Variants in ATP11A observed in about 807,000 individuals in gnomAD.
ATP11A encodes phospholipid-transporting ATPase IH.
ATP11A carries 81 observed loss-of-function variants against 154.4 expected under a neutral mutation model. That is an observed-to-expected ratio of 0.52 (90% confidence interval 0.44 to 0.63). The LOEUF is 0.63. Among genes scored for constraint, ATP11A ranks in the 30% least tolerant of loss-of-function variants. ATP11A has a pLI of 0.00. For missense variants in ATP11A, 1,316 were observed against 1,474.3 expected (o/e 0.89, Z 1.76); for synonymous variants, 623 against 585.9 (o/e 1.06, Z -0.91).
intron 1 of ATP11A, among the ~76,000 whole-genome samples, chr13:112,784,899 A>T (rs2077585181): frequency 6.6e-6 from 1 of 152,182 alleles, no homozygotes; most frequent in Non-Finnish European, 1.5e-5. Context: ...TGGCTCTCAC[A>T]GGAGCGCAGA....
intron 27 of ATP11A, among the ~76,000 whole-genome samples, chr13:112,874,536 C>A (rs532313044): frequency 6.6e-6 from 1 of 152,198 alleles, no homozygotes; most frequent in Admixed American, 6.5e-5. Context: ...TCAGCCCCAG[C>A]GCAGCAGCCT....
chr13:112,821,048 G>A (rs1251592574), intron 8 of ATP11A, among the ~76,000 whole-genome samples: 1 of 152,172 alleles, frequency 6.6e-6, no homozygotes, highest in Non-Finnish European at 1.5e-5. Context: ...CCTTGCCTTG[G>A]TTTGCCTACG....
At position 112,879,790 on chromosome 13, in the gene ATP11A, G is replaced by A. The variant is rs1300225432; in HGVS notation, c.*9+1487G>A. 2.0e-5 allele frequency among the ~76,000 whole-genome samples: 3 copies of A among 152,352 alleles called. No homozygotes were observed. The East Asian group carries it at 5.8e-4, about 29-fold the overall frequency. On this transcript the variant is annotated intron_variant, in intron 29 of 29. Coordinates refer to ENST00000375645, the MANE Select transcript of ATP11A (RefSeq NM_015205.3). The stretch of plus-strand genomic sequence containing the variant: ...AAACGTGTCACTAGTCCTCACGTGG[G>A]GCATATGTTACTTCCAGTGGATGGC...
At chr13:112,812,778 G>T (rs550265242) in intron 5 of ATP11A, among the ~76,000 whole-genome samples, 34 of 152,358 alleles carry the variant, frequency 2.2e-4, no homozygotes, top group Admixed American at 5.2e-4. Context: ...CCTTCAGTGA[G>T]TTCAGATGAG....
intron 19 of ATP11A, among the ~76,000 whole-genome samples, 190 bp downstream of exon 19, chr13:112,854,720 T>C (rs2079874050): frequency 6.6e-6 from 1 of 152,220 alleles, no homozygotes; most frequent in Admixed American, 6.5e-5. Context: ...TTTCCAGCAA[T>C]TGTGATGTGT....
At chr13:112,822,200 A>G (rs181822465) in intron 8 of ATP11A, among the ~76,000 whole-genome samples, 21 of 152,374 alleles carry the variant, frequency 1.4e-4, no homozygotes, top group East Asian at 1.3e-3. Context: ...AATGTTATCA[A>G]TAGCAAAATT....
chr13:112,780,089 G>A (rs996132344), intron 1 of ATP11A, among the ~76,000 whole-genome samples: 6 of 151,900 alleles, frequency 3.9e-5, no homozygotes, highest in Middle Eastern at 3.2e-3. Flanking sequence ...ATGAGAAAGT[G>A]TGGAAATAAT....
chr13:112,795,240 A>G (rs1047311164), intron 2 of ATP11A, among the ~76,000 whole-genome samples: 1 of 152,250 alleles, frequency 6.6e-6, no homozygotes, highest in Non-Finnish European at 1.5e-5. Flanking sequence ...GTGAGACTTC[A>G]TCTCAAAATA....
At chr13:112,790,757 C>A (rs2077830475) in intron 2 of ATP11A, among the ~76,000 whole-genome samples, 1 of 152,310 alleles carries the variant, frequency 6.6e-6, no homozygotes, top group South Asian at 2.1e-4. Context: ...GCATGTAGAC[C>A]CCTGTGGTTC....
chr13:112,878,276 C>T lies in ATP11A; in HGVS notation c.3387C>T (p.Ser1129=), dbSNP rs2080789948. 1.9e-6 allele frequency: 3 copies of T among 1,614,206 alleles called. No individual in the cohort carries two copies. Among genetic ancestry groups the T allele is most frequent in the East Asian group, 2.2e-5 (1 of 44,892 alleles). The change falls in exon 29 of 30, where the codon TCC becomes TCT. Residue 1129 remains serine (S), a synonymous_variant. Transcript: ENST00000375645. ...QSTIFMLSQT[S]SSLSF ...CCATCTTTATGCTTTCTCAGACTTC[C>T]AGCAGCCTGAGTTTCTGATGGAACA...
intron 25 of ATP11A, among the ~76,000 whole-genome samples, chr13:112,871,336 C>T (rs951630169): frequency 3.9e-5 from 6 of 152,154 alleles, no homozygotes; most frequent in Admixed American, 2.6e-4. Context: ...AGGAGGTTTG[C>T]GTGTACCCGA....
At chr13:112,835,732 T>C (rs1427401062) in intron 15 of ATP11A, among the ~76,000 whole-genome samples, 2 of 152,236 alleles carry the variant, frequency 1.3e-5, no homozygotes, top group Admixed American at 1.3e-4. Context: ...TTTCTGAGTC[T>C]TCCGGTAACA....
At chr13:112,804,584 G>C (rs1370819033) in intron 2 of ATP11A, among the ~76,000 whole-genome samples, 2 of 148,712 alleles carry the variant, frequency 1.3e-5, no homozygotes, top group Non-Finnish European at 3.0e-5. Context: ...CTTCCATTCA[G>C]CTCGCTGTCA....
intron 12 of ATP11A, 31 bp downstream of exon 12, chr13:112,826,922 T>A (rs35211407): frequency 6.2e-7 from 1 of 1,611,366 alleles, no homozygotes; most frequent in Non-Finnish European, 8.5e-7. Flanking sequence ...CTGCTGTGAT[T>A]TATTAACATC....
At chr13:112,876,079 CTGACGGTGCA>C in intron 28 of ATP11A, 138 bp downstream of exon 28, 1 of 925,918 alleles carries the variant, frequency 1.1e-6, no homozygotes, top group Non-Finnish European at 1.5e-6. Flanking sequence ...AATGAGTGTC[CTGACGGTGCA>C]TGATGTTAAA....
At chr13:112,880,658 G>A in intron 29 of ATP11A, 2 of 1,288,882 alleles carry the variant, frequency 1.6e-6, no homozygotes, top group Non-Finnish European at 1.0e-6. Flanking sequence ...AGGTAACTGT[G>A]CGGCTGCTGG....
intron 1 of ATP11A, among the ~76,000 whole-genome samples, chr13:112,705,750 C>T (rs949802881): frequency 2.0e-5 from 3 of 152,144 alleles, no homozygotes; most frequent in Non-Finnish European, 4.4e-5. Context: ...GTGTTTTAAG[C>T]TTGTTTAATA....
At chr13:112,738,940 A>C (rs1310025813) in intron 1 of ATP11A, among the ~76,000 whole-genome samples, 1 of 152,036 alleles carries the variant, frequency 6.6e-6, no homozygotes, top group Non-Finnish European at 1.5e-5. Context: ...GTGGCGTCTC[A>C]CCTGTCTCAC....
At chr13:112,823,216 C>T (rs1054654819) in intron 8 of ATP11A, 129 bp from the exon 9 acceptor site, 10 of 718,304 alleles carry the variant, frequency 1.4e-5, no homozygotes, top group East Asian at 1.2e-4. Flanking sequence ...AGCAAACCTC[C>T]GTGTATGCCA....
Sources: allele counts gnomAD v4.1 joint callset (sites outside exome capture counted in the v4.1 genomes callset), GRCh38; gene constraint gnomAD v4.1.1; transcripts MANE v1.5; gene names NCBI Gene and HGNC (gene_info 2026-07-23, HGNC 2026-07-21).